C1QTNF5: variants seen among roughly 807,000 people sequenced by gnomAD.
C1QTNF5 encodes C1q and TNF related 5.
Under a neutral mutation model 10.9 loss-of-function variants are expected in C1QTNF5, and 5 were observed. The observed-to-expected ratio is 0.46, with a 90% CI of 0.24 to 0.97. The LOEUF is 0.97. C1QTNF5 is among the 50% of genes least tolerant of loss of function. The pLI is 0.19. For synonymous variants in C1QTNF5, 161 were observed against 156.5 expected (o/e 1.03, Z -0.22); for missense variants, 281 against 339.4 (o/e 0.83, Z 1.35).
At chr11:119,346,027 G>A in the C1QTNF5 span, 2 of 1,612,456 alleles carry the variant, frequency 1.2e-6, no homozygotes, top group South Asian at 2.2e-5. Flanking sequence ...CTCGTTTCAA[G>A]CTGTCCCCGG....
chr11:119,341,798 C>T (rs959925119), upstream of C1QTNF5: 14 of 1,613,288 alleles, frequency 8.7e-6, no homozygotes, highest in East Asian at 2.2e-5. Flanking sequence ...GGCCTTCAGG[C>T]ACCTGCTCCC....
chr11:119,344,916 A>G (rs766356600), upstream of C1QTNF5: 3 of 1,612,206 alleles, frequency 1.9e-6, no homozygotes, highest in South Asian at 1.1e-5. Context: ...TGGAAACCAA[A>G]TCCTTCCACA....
chr11:119,339,934 C>T lies in C1QTNF5; in HGVS notation c.215-86G>A, dbSNP rs1591299852. The stretch of plus-strand genomic sequence containing the variant: ...CGACTCTAAGGTCACCGTACCCCTC[C>T]CCGCCCCTGCCTGAGCTTCGGCCAG... On this transcript the variant is annotated intron_variant, in intron 2 of 2. Transcript: ENST00000528368. This position sits in a 1 kb window ranked among gnomAD's most constrained non-coding sequence, Gnocchi z 5.4. The T allele has an allele frequency of 7.1e-7, 1 of 1,398,982 alleles. No homozygotes were observed. Among genetic ancestry groups the T allele is most frequent in the Non-Finnish European group, 9.3e-7 (1 of 1,077,470 alleles). 86.7% of individuals were successfully genotyped at this position (1,398,982 alleles called of 1,614,324 possible).
At chr11:119,341,495 C>G (rs1950501891), upstream of C1QTNF5, 1 of 1,485,128 alleles carries the variant, frequency 6.7e-7, no homozygotes, top group African/African-American at 1.4e-5. Context: ...TGCGTGCCAG[C>G]CCTGACCGGC....
chr11:119,340,185 C>A lies in C1QTNF5; in HGVS notation c.213G>T (p.Pro71=), dbSNP rs1296310915. The change falls in exon 2 of 3, where the codon CCG becomes CCT. Residue 71 remains proline, a splice_region_variant and synonymous_variant. Coordinates refer to ENST00000528368, the MANE Select transcript of C1QTNF5 (RefSeq NM_001278431.2). ...APGEKGEGGR[P]GLPGPRGDPG... is the part of the protein sequence containing the mutation. ...ATAGCCGCGGCGGTGCCTTCTTACC[C>A]GGCCTCCCGCCCTCGCCTTTCTCTC... The A allele has an allele frequency of 6.6e-7, 1 of 1,514,826 alleles. No individual in the cohort carries two copies. Among genetic ancestry groups the A allele is most frequent in the Non-Finnish European group, 8.8e-7 (1 of 1,134,386 alleles). The allele number at this position is 1,514,826 out of a possible 1,614,324, so 93.8% of individuals were successfully genotyped here.
upstream of C1QTNF5, chr11:119,343,112 G>T: frequency 7.4e-7 from 1 of 1,356,738 alleles, no homozygotes; most frequent in Non-Finnish European, 1.0e-6. Context: ...GATGCCAAAG[G>T]TGATGGAAGA....
chr11:119,341,753 C>T (rs1165509211), upstream of C1QTNF5: 2 of 1,613,276 alleles, frequency 1.2e-6, no homozygotes, highest in Non-Finnish European at 8.5e-7. Context: ...ATGCTGGTAG[C>T]AGGGCAGGCT....
chr11:119,342,051 C>A (rs912892392), upstream of C1QTNF5: 11 of 1,600,966 alleles, frequency 6.9e-6, no homozygotes, highest in South Asian at 1.1e-5. Context: ...TGGCAAGTCA[C>A]CGAATCGCTC....
upstream of C1QTNF5, chr11:119,343,691 A>C: frequency 2.5e-6 from 3 of 1,207,156 alleles, no homozygotes; most frequent in East Asian, 4.7e-5. Flanking sequence ...TGGTGAAGAG[A>C]CCCCCGGCCT....
chr11:119,342,703 G>A (rs763730179), upstream of C1QTNF5: 3 of 1,613,668 alleles, frequency 1.9e-6, no homozygotes, highest in Non-Finnish European at 2.5e-6. Flanking sequence ...TGCCTGGCAG[G>A]AGAGCTCACT....
upstream of C1QTNF5, chr11:119,342,933 C>T (rs1265985638): frequency 1.9e-6 from 3 of 1,612,734 alleles, no homozygotes; most frequent in Non-Finnish European, 2.5e-6. Flanking sequence ...ATGCCATGAT[C>T]TGTCCTAAAC....
At chr11:119,341,490 G>T, upstream of C1QTNF5, 1 of 1,433,444 alleles carries the variant, frequency 7.0e-7, no homozygotes, top group Non-Finnish European at 9.7e-7. Context: ...TCCCCTGCGT[G>T]CCAGCCCTGA....
In C1QTNF5 at chr11:119,340,168, G is replaced by T; in HGVS notation, c.214+16C>A. On this transcript the variant is annotated intron_variant, in intron 2 of 2. Coordinates refer to ENST00000528368, the MANE Select transcript of C1QTNF5 (RefSeq NM_001278431.2). ...CTCGGACATCGCCACCGATAGCCGC[G>T]GCGGTGCCTTCTTACCCGGCCTCCC... The T allele has an allele frequency of 6.6e-7, 1 of 1,509,384 alleles. No homozygotes were observed. Among genetic ancestry groups the T allele is most frequent in the Non-Finnish European group, 8.8e-7 (1 of 1,131,824 alleles). 93.5% of individuals were successfully genotyped at this position (1,509,384 alleles called of 1,614,324 possible). A position where few individuals can be genotyped will look rare whatever the true frequency, so the allele number is the denominator to read the frequency against.
upstream of C1QTNF5, chr11:119,345,805 T>C (rs773720532): frequency 6.2e-7 from 1 of 1,613,876 alleles, no homozygotes; most frequent in South Asian, 1.1e-5. Context: ...GCCTGACTCC[T>C]GCTGCCCTTT....
chr11:119,343,879 C>G (rs999112328), upstream of C1QTNF5: 1 of 1,613,980 alleles, frequency 6.2e-7, no homozygotes, highest in Middle Eastern at 1.6e-4. Flanking sequence ...GTCAAACTTG[C>G]ACTCGTCCTG....
Position 119,339,172 on chromosome 11 carries a change from T to C in C1QTNF5, c.*159A>G, listed in dbSNP as rs540189370. The C allele has an allele frequency of 6.3e-6, 5 of 792,676 alleles. No homozygotes were observed. The South Asian group carries it at 7.3e-5, about 12-fold the overall frequency. 49.1% of individuals were successfully genotyped at this position (792,676 alleles called of 1,614,324 possible). A position where few individuals can be genotyped will look rare whatever the true frequency, so the allele number is the denominator to read the frequency against. The stretch of plus-strand genomic sequence containing the variant: ...GCCAGACCTGATCGCAGACAGCCAC[T>C]GTTCCCATTCCTTGCCAGCAGCAGG... On this transcript the variant is annotated 3_prime_UTR_variant, in exon 3 of 3. Coordinates refer to ENST00000528368, the MANE Select transcript of C1QTNF5 (RefSeq NM_001278431.2). The surrounding 1 kb of genome is among the most constrained non-coding windows in gnomAD (Gnocchi z 5.4).
In C1QTNF5 at chr11:119,340,405, G is replaced by A; in HGVS notation, c.-8C>T. On this transcript the variant is annotated 5_prime_UTR_variant, in exon 2 of 3. Coordinates refer to ENST00000528368, the MANE Select transcript of C1QTNF5 (RefSeq NM_001278431.2). ...GACGAGGAGTGGCCTCATAGCGCTG[G>A]CACCGGGAGCCCGGACGCCGGGGTC... The A allele has an allele frequency of 6.5e-7, 1 of 1,543,538 alleles. No individual in the cohort carries two copies. Among genetic ancestry groups the A allele is most frequent in the Non-Finnish European group, 8.7e-7 (1 of 1,145,982 alleles).
upstream of C1QTNF5, chr11:119,343,141 C>A (rs150957434): frequency 1.9e-6 from 2 of 1,074,532 alleles, no homozygotes; most frequent in Admixed American, 2.1e-5. Flanking sequence ...TAGGGTCTGG[C>A]GAGAAAGACA....
At chr11:119,343,261 A>T (rs1217661653), upstream of C1QTNF5, among the ~76,000 whole-genome samples, 1 of 152,260 alleles carries the variant, frequency 6.6e-6, no homozygotes, top group Non-Finnish European at 1.5e-5. Flanking sequence ...CTGTAATCCC[A>T]GCATTTTGGG....
Sources: gnomAD v4.1 joint callset for allele counts (sites outside exome capture counted in the v4.1 genomes callset) on GRCh38, gnomAD v4.1.1 for gene constraint, Gnocchi (gnomAD v3.1) non-coding constraint, MANE v1.5 for transcripts, NCBI Gene and HGNC (gene_info 2026-07-23, HGNC 2026-07-21) for gene names.